The following TPRG1 variants were observed in gnomAD, a reference collection of about 807,000 sequenced individuals.
TPRG1 encodes the protein tumor protein p63 regulated 1.
TPRG1 carries 29 observed loss-of-function variants against 29.3 expected under a neutral mutation model. The observed-to-expected ratio is 0.99, with a 90% CI of 0.74 to 1.35. The LOEUF (loss-of-function observed/expected upper bound fraction) is 1.35, where lower values mean the gene tolerates loss of function less well. Ranked by LOEUF, TPRG1 falls within the 40% of genes most tolerant of loss-of-function variation. The pLI, the probability that TPRG1 is intolerant of heterozygous loss-of-function variation, is 0.00. For missense variants in TPRG1, 327 were observed against 335.0 expected (o/e 0.98, Z 0.19); for synonymous variants, 130 against 116.8 (o/e 1.11, Z -0.73).
chr3:189,293,070 C>G (rs1719288301), intron 4 of TPRG1, among the ~76,000 whole-genome samples: 1 of 152,162 alleles, frequency 6.6e-6, no homozygotes, highest in Admixed American at 6.5e-5. Context: ...GTTTAGACAG[C>G]TGTCTAATTG....
intron 4 of TPRG1, among the ~76,000 whole-genome samples, chr3:189,052,469 G>A (rs896106740): frequency 2.6e-5 from 4 of 152,160 alleles, no homozygotes; most frequent in African/African-American, 9.7e-5. Context: ...GTGGTTAACA[G>A]GGAACACTTC....
chr3:189,190,924 C>T lies in TPRG1; in HGVS notation c.-9-16452C>T, dbSNP rs1413025884. 5.1e-6 allele frequency: 5 copies of T among 983,118 alleles called. No individual in the cohort carries two copies. The Admixed American group carries it at 2.5e-4, about 48-fold the overall frequency. The allele number at this position is 983,118 out of a possible 1,614,324, so 60.9% of individuals were successfully genotyped here. A position where few individuals can be genotyped will look rare whatever the true frequency, so the allele number is the denominator to read the frequency against. Reference sequence around the variant, plus strand: ...AGGCTGATCAAAACCAAACATTATCCCTTTGCAATGAGCCGGCTTTGAGAT... The same window carrying T: ...AGGCTGATCAAAACCAAACATTATCTCTTTGCAATGAGCCGGCTTTGAGAT... On this transcript the variant is annotated intron_variant, in intron 1 of 5. Coordinates refer to ENST00000345063, the MANE Select transcript of TPRG1 (RefSeq NM_198485.4).
At chr3:189,311,503 G>T (rs372751570) in intron 5 of TPRG1, among the ~76,000 whole-genome samples, 251 of 152,194 alleles carry the variant, frequency 1.6e-3, no homozygotes, top group African/African-American at 5.7e-3. Flanking sequence ...ATTTTAACTT[G>T]ATAGGTCCTG....
rs80125969 is a variant in TPRG1, at chr3:189,189,679, A to G, written c.-10+17548A>G. Among the ~76,000 whole-genome samples, 469 of 152,344 alleles carry G rather than the reference A, an allele frequency of 3.1e-3. 1 individual carries two copies. Among genetic ancestry groups the G allele is most frequent in the African/African-American group, 0.011 (450 of 41,580 alleles). ...TTAGATAACATTATTAGTTATGCAA[A>G]GGAACGTTCTTCAAGATACCTATCC... On this transcript the variant is annotated intron_variant, in intron 1 of 5. Coordinates refer to ENST00000345063, the MANE Select transcript of TPRG1 (RefSeq NM_198485.4).
At chr3:189,116,498 A>G (rs919709688) in intron 1 of TPRG1, among the ~76,000 whole-genome samples, 3 of 152,164 alleles carry the variant, frequency 2.0e-5, no homozygotes, top group African/African-American at 7.2e-5. Context: ...TTTTACACCC[A>G]TATTCATAGC....
intron 3 of TPRG1, among the ~76,000 whole-genome samples, chr3:189,014,964 C>G (rs1486241511): frequency 1.3e-5 from 2 of 152,058 alleles, no homozygotes; most frequent in African/African-American, 4.8e-5. Flanking sequence ...GTAAAAAGAA[C>G]TTTGGAACTG....
chr3:189,295,127 C>G (rs1719680768), intron 4 of TPRG1, among the ~76,000 whole-genome samples: 1 of 152,150 alleles, frequency 6.6e-6, no homozygotes. Flanking sequence ...CTTTTTCATG[C>G]CCTGGTTAAA....
intron 4 of TPRG1, among the ~76,000 whole-genome samples, chr3:189,072,435 A>G (rs1481391140): frequency 1.3e-5 from 2 of 152,138 alleles, no homozygotes; most frequent in Non-Finnish European, 2.9e-5. Context: ...TATTTTGACT[A>G]TTGTTTCTCA....
At chr3:189,172,770 G>T (rs1454586471) in intron 1 of TPRG1, among the ~76,000 whole-genome samples, 6 of 152,294 alleles carry the variant, frequency 3.9e-5, no homozygotes, top group East Asian at 1.9e-4. Context: ...AAACTGAAAG[G>T]TGATAGGCAA....
At chr3:189,156,601 CT>C (rs1726716942) in intron 5 of TPRG1, among the ~76,000 whole-genome samples, 1 of 152,158 alleles carries the variant, frequency 6.6e-6, no homozygotes, top group Non-Finnish European at 1.5e-5. Flanking sequence ...GATACCCTTT[CT>C]GCTCGGGCTA....
chr3:189,037,651 G>GAA (rs1714359934), intron 4 of TPRG1, among the ~76,000 whole-genome samples: 2 of 151,730 alleles, frequency 1.3e-5, no homozygotes, highest in Non-Finnish European at 3.0e-5. Flanking sequence ...AATACAATGA[G>GAA]ATATCACTGC....
At chr3:189,214,323 AAG>A (rs1212769293) in intron 2 of TPRG1, among the ~76,000 whole-genome samples, 1 of 152,220 alleles carries the variant, frequency 6.6e-6, no homozygotes, top group Non-Finnish European at 1.5e-5. Context: ...TGAATACAGG[AAG>A]AGAGACCCAA....
chr3:189,260,585 A>C (rs921976967), intron 4 of TPRG1, among the ~76,000 whole-genome samples: 2 of 152,208 alleles, frequency 1.3e-5, no homozygotes, highest in Admixed American at 1.3e-4. Flanking sequence ...TATGCCAACA[A>C]AAGCTAAGCA....
chr3:189,251,629 G>A (rs1297845262), intron 4 of TPRG1, among the ~76,000 whole-genome samples: 7 of 152,170 alleles, frequency 4.6e-5, no homozygotes, highest in South Asian at 4.1e-4. Context: ...AGATAAACAC[G>A]TGAACCAAGG....
chr3:189,201,457 G>A (rs1022202494), intron 1 of TPRG1, among the ~76,000 whole-genome samples: 3 of 152,152 alleles, frequency 2.0e-5, no homozygotes, highest in African/African-American at 7.2e-5. Context: ...GGCAGAGAGG[G>A]CCAGCAGCCC....
intron 4 of TPRG1, among the ~76,000 whole-genome samples, chr3:189,304,189 G>A (rs1721273957): frequency 6.6e-6 from 1 of 150,622 alleles, no homozygotes; most frequent in African/African-American, 2.4e-5. Context: ...TAATTTATTG[G>A]GGGTAGAAAA....
intron 3 of TPRG1, among the ~76,000 whole-genome samples, chr3:189,144,898 G>A (rs1358336482): frequency 6.6e-6 from 1 of 152,214 alleles, no homozygotes; most frequent in African/African-American, 2.4e-5. Flanking sequence ...GCAGGGTCAT[G>A]TCTTACACAC....
At chr3:189,020,115 T>C (rs1226198186) in intron 3 of TPRG1, among the ~76,000 whole-genome samples, 2 of 151,934 alleles carry the variant, frequency 1.3e-5, no homozygotes, top group Non-Finnish European at 2.9e-5. Context: ...ATTTGATTCT[T>C]CTCTCTTTTT....
intron 3 of TPRG1, among the ~76,000 whole-genome samples, chr3:189,022,581 C>G (rs1713390863): frequency 1.3e-5 from 2 of 151,888 alleles, no homozygotes; most frequent in South Asian, 2.1e-4. Context: ...AGGAGGCAGT[C>G]TGCCCGTTCT....
Sources: allele counts gnomAD v4.1 joint callset (sites outside exome capture counted in the v4.1 genomes callset), GRCh38; gene constraint gnomAD v4.1.1; transcripts MANE v1.5; gene names NCBI Gene and HGNC (gene_info 2026-07-23, HGNC 2026-07-21).